ANKRD12: variants seen among roughly 807,000 people sequenced by gnomAD.
The protein encoded by ANKRD12 is ankyrin repeat domain-containing protein 12.
ANKRD12 carries 85 observed loss-of-function variants against 183.4 expected under a neutral mutation model. The observed-to-expected ratio is 0.46, with a 90% confidence interval of 0.39 to 0.56. The LOEUF (loss-of-function observed/expected upper bound fraction) is 0.56. ANKRD12 is among the 20% of genes least tolerant of loss of function. The probability of loss-of-function intolerance (pLI) is 0.00; values close to 1 mark genes in which losing one functional copy is unlikely to be tolerated. For missense variants in ANKRD12, 2,405 were observed against 2,357.1 expected (o/e 1.02, Z -0.42); for synonymous variants, 914 against 800.2 (o/e 1.14, Z -2.40).
chr18:9,174,933 T>C (rs1475651269), intron 1 of ANKRD12, among the ~76,000 whole-genome samples: 1 of 8,162 alleles, frequency 1.2e-4, no homozygotes, highest in African/African-American at 2.7e-4. Context: ...CCAAAGCATT[T>C]ATTTATTTAT....
chr18:9,177,330 C>T (rs982959368), intron 1 of ANKRD12, among the ~76,000 whole-genome samples: 1 of 152,208 alleles, frequency 6.6e-6, no homozygotes, highest in African/African-American at 2.4e-5. Context: ...CCCTCTCTCC[C>T]TCCAGCCACA....
intron 10 of ANKRD12, among the ~76,000 whole-genome samples, chr18:9,265,192 T>G (rs2039215746): frequency 2.0e-5 from 3 of 152,250 alleles, no homozygotes; most frequent in Admixed American, 1.3e-4. Flanking sequence ...AGACTCCACC[T>G]CTGGGAGCAG....
At chr18:9,183,829 A>AT (rs1217180142) in intron 2 of ANKRD12, among the ~76,000 whole-genome samples, 1 of 152,094 alleles carries the variant, frequency 6.6e-6, no homozygotes, top group Non-Finnish European at 1.5e-5. Context: ...TCTGATGATA[A>AT]TTTATATGTG....
chr18:9,280,832 A>G, intron 12 of ANKRD12, 109 bp from the exon 13 acceptor site: 1 of 940,208 alleles, frequency 1.1e-6, no homozygotes. Context: ...AATGCTTTTT[A>G]TGCTCCTGAT....
intron 4 of ANKRD12, among the ~76,000 whole-genome samples, chr18:9,206,387 T>A (rs2035485117): frequency 6.6e-6 from 1 of 151,998 alleles, no homozygotes; most frequent in African/African-American, 2.4e-5. Flanking sequence ...AGATATATAA[T>A]ATATTATCAT....
At chr18:9,193,237 C>G (rs989736791) in intron 2 of ANKRD12, among the ~76,000 whole-genome samples, 1 of 151,132 alleles carries the variant, frequency 6.6e-6, no homozygotes, top group African/African-American at 2.4e-5. Flanking sequence ...CCTCCCAGCT[C>G]AAGCAGTCCT....
At chr18:9,224,271 A>T (rs554086130) in intron 8 of ANKRD12, among the ~76,000 whole-genome samples, 45 of 152,354 alleles carry the variant, frequency 3.0e-4, no homozygotes, top group Non-Finnish European at 5.7e-4. Context: ...ATAAACACAG[A>T]GCAGACAGAA....
At chr18:9,171,500 T>C (rs2143987931) in intron 1 of ANKRD12, among the ~76,000 whole-genome samples, 1 of 152,290 alleles carries the variant, frequency 6.6e-6, no homozygotes, top group East Asian at 1.9e-4. Flanking sequence ...TAGACTTGTT[T>C]ATGTGGTTGC....
intron 8 of ANKRD12, chr18:9,239,391 G>A (rs1414529638): frequency 6.6e-6 from 3 of 452,068 alleles, no homozygotes; most frequent in Non-Finnish European, 1.1e-5. Flanking sequence ...TGTTTAATTA[G>A]TGCAGAACAC....
chr18:9,192,435 G>C (rs2034510288), intron 2 of ANKRD12, among the ~76,000 whole-genome samples: 3 of 152,110 alleles, frequency 2.0e-5, no homozygotes, highest in Admixed American at 2.0e-4. Context: ...AATTTGGCTT[G>C]ATAGTCTGTT....
At chr18:9,150,338 C>A (rs972659509) in intron 1 of ANKRD12, among the ~76,000 whole-genome samples, 9 of 152,148 alleles carry the variant, frequency 5.9e-5, no homozygotes, top group Non-Finnish European at 1.2e-4. Context: ...TGTATTACTT[C>A]CTCTTGAGTT....
At chr18:9,233,673 C>T (rs1386876816) in intron 8 of ANKRD12, among the ~76,000 whole-genome samples, 1 of 152,162 alleles carries the variant, frequency 6.6e-6, no homozygotes, top group Non-Finnish European at 1.5e-5. Flanking sequence ...TGTATGATTT[C>T]TTTGGCTATA....
chr18:9,166,034 T>C (rs2032023379), intron 1 of ANKRD12, among the ~76,000 whole-genome samples: 1 of 152,058 alleles, frequency 6.6e-6, no homozygotes, highest in Non-Finnish European at 1.5e-5. Flanking sequence ...TCCATGTCCC[T>C]ACAAAGGACA....
intron 2 of ANKRD12, among the ~76,000 whole-genome samples, chr18:9,190,426 A>G (rs2034379650): frequency 6.6e-6 from 1 of 151,978 alleles, no homozygotes; most frequent in South Asian, 2.1e-4. Context: ...TGCTAGAAAC[A>G]TTGTTGAAAT....
intron 8 of ANKRD12, among the ~76,000 whole-genome samples, chr18:9,249,008 CA>C: frequency 6.6e-6 from 1 of 152,322 alleles, no homozygotes. Flanking sequence ...TCTCTTATCC[CA>C]CCATAAGCAC....
intron 1 of ANKRD12, among the ~76,000 whole-genome samples, chr18:9,162,569 A>G (rs1379776203): frequency 1.3e-5 from 2 of 152,180 alleles, no homozygotes; most frequent in Non-Finnish European, 2.9e-5. Flanking sequence ...TATACCTAGT[A>G]ATGAGATGGC....
rs1031315437 is a variant in ANKRD12, at chr18:9,283,340, T to G, written c.*2214T>G. ...AGCTTTTTAGTCTTAACCACAGTTC[T>G]CACTCTCTTAAATGGTACCTCAAAA... On this transcript the variant is annotated 3_prime_UTR_variant, in exon 13 of 13. Transcript: ENST00000262126. 6.6e-6 allele frequency: 1 copy of G among 152,180 alleles called. No homozygotes were observed. Among genetic ancestry groups the G allele is most frequent in the Non-Finnish European group, 1.5e-5 (1 of 68,014 alleles). The allele number at this position is 152,180 out of a possible 1,614,324, so 9.4% of individuals were successfully genotyped here.
rs2035810860 is a variant in ANKRD12, at chr18:9,211,618, T to A, written c.486T>A (p.Pro162=). 1 of 1,613,898 alleles carries A rather than the reference T, an allele frequency of 6.2e-7. No individual in the cohort carries two copies. ...STPNHPSQTT[P]AQKKTPSSSS... is the part of the protein sequence containing the mutation. ...CAAATCATCCATCACAAACAACGCC[T>A]GCCCAAAAGAAAACTCCCAGTTCTT... Residue 162 remains proline (P), a synonymous_variant, in exon 6 of 13, where the codon CCT becomes CCA. Coordinates refer to ENST00000262126, the MANE Select transcript of ANKRD12 (RefSeq NM_015208.5).
intron 1 of ANKRD12, among the ~76,000 whole-genome samples, chr18:9,146,344 A>T (rs936141689): frequency 6.6e-6 from 1 of 152,086 alleles, no homozygotes; most frequent in African/African-American, 2.4e-5. Context: ...TGGGAGGAAC[A>T]TGAGTTTGAG....
Sources: allele counts gnomAD v4.1 joint callset (sites outside exome capture counted in the v4.1 genomes callset), GRCh38; gene constraint gnomAD v4.1.1; transcripts MANE v1.5; gene names NCBI Gene and HGNC (gene_info 2026-07-23, HGNC 2026-07-21).